SLIT2: variants seen among roughly 807,000 people sequenced by gnomAD.
SLIT2 encodes the protein slit homolog 2 protein.
Under a neutral mutation model 185.7 loss-of-function variants are expected in SLIT2, and 41 were observed. That is an observed-to-expected ratio of 0.22 (90% CI 0.17 to 0.29). SLIT2 has a LOEUF of 0.29. SLIT2 is among the 10% of genes least tolerant of loss of function. The probability of loss-of-function intolerance (pLI) is 1.00; values close to 1 mark genes in which losing one functional copy is unlikely to be tolerated. For missense variants in SLIT2, 1,571 were observed against 1,909.0 expected (o/e 0.82, Z 3.30); for synonymous variants, 693 against 680.2 (o/e 1.02, Z -0.29).
intron 4 of SLIT2, among the ~76,000 whole-genome samples, chr4:20,380,021 A>G (rs758327570): frequency 6.6e-6 from 1 of 152,162 alleles, no homozygotes; most frequent in Non-Finnish European, 1.5e-5. Context: ...TTACTGATCT[A>G]TGCTTGACTG....
intron 4 of SLIT2, among the ~76,000 whole-genome samples, chr4:20,365,793 A>T (rs1208264914): frequency 6.6e-6 from 1 of 152,066 alleles, no homozygotes; most frequent in Non-Finnish European, 1.5e-5. Flanking sequence ...GTTCATCTAC[A>T]TCTTGTGTGG....
chr4:20,363,887 G>A (rs1221981004), intron 4 of SLIT2, among the ~76,000 whole-genome samples: 5 of 152,096 alleles, frequency 3.3e-5, no homozygotes, highest in Admixed American at 6.6e-5. Flanking sequence ...TTCTGTCTTC[G>A]AAAGGATTGC....
intron 4 of SLIT2, among the ~76,000 whole-genome samples, chr4:20,422,043 A>C (rs1362285701): frequency 6.6e-6 from 1 of 152,152 alleles, no homozygotes; most frequent in Non-Finnish European, 1.5e-5. Flanking sequence ...AAGATTTCAG[A>C]GTTCATTTCT....
chr4:20,581,169 A>G lies in SLIT2; in HGVS notation c.3089-8475A>G, dbSNP rs138512276. ...ATCAAGGTGTTGATTCCTGCCAAGG[A>G]TTGTGAGGGAAATGTCTCTTCCAGG... On this transcript the variant is annotated intron_variant, in intron 29 of 36. Transcript: ENST00000504154. Among the ~76,000 whole-genome samples, 403 of 152,208 alleles carry G rather than the reference A, an allele frequency of 2.6e-3. 10 individuals carry two copies. In the South Asian group the frequency reaches 0.061, roughly 23 times the overall value.
chr4:20,331,515 T>G (rs1328574333), intron 4 of SLIT2, among the ~76,000 whole-genome samples: 2 of 148,682 alleles, frequency 1.3e-5, no homozygotes, highest in African/African-American at 5.2e-5. Context: ...TAATTATAGC[T>G]AACATTTCTT....
chr4:20,279,440 C>A (rs374373768), intron 4 of SLIT2, among the ~76,000 whole-genome samples: 6 of 152,162 alleles, frequency 3.9e-5, no homozygotes, highest in Admixed American at 3.3e-4. Flanking sequence ...TGGGCCTCAG[C>A]TCCTCTACTA....
At chr4:20,593,224 C>G (rs1347351934) in intron 30 of SLIT2, among the ~76,000 whole-genome samples, 1 of 152,014 alleles carries the variant, frequency 6.6e-6, no homozygotes, top group African/African-American at 2.4e-5. Flanking sequence ...AAAAACTATA[C>G]TAATTAATTT....
intron 3 of SLIT2, among the ~76,000 whole-genome samples, chr4:20,263,337 T>C (rs1159766507): frequency 6.6e-6 from 1 of 151,820 alleles, no homozygotes; most frequent in Non-Finnish European, 1.5e-5. Context: ...AATATTGCTT[T>C]ACGATAATAT....
intron 29 of SLIT2, among the ~76,000 whole-genome samples, chr4:20,572,257 C>T (rs191174258): frequency 1.0e-3 from 152 of 152,252 alleles, no homozygotes; most frequent in Non-Finnish European, 1.6e-3. Context: ...TCTGTGCTTC[C>T]AGTTGTGTAA....
intron 4 of SLIT2, among the ~76,000 whole-genome samples, chr4:20,303,517 A>G (rs1717252807): frequency 6.6e-6 from 1 of 152,120 alleles, no homozygotes; most frequent in African/African-American, 2.4e-5. Context: ...GAAATGAAAG[A>G]CAGATGCCTC....
chr4:20,388,063 T>C (rs1725073526), intron 4 of SLIT2, among the ~76,000 whole-genome samples: 1 of 152,090 alleles, frequency 6.6e-6, no homozygotes, highest in African/African-American at 2.4e-5. Flanking sequence ...TTCATGAAAC[T>C]AGGAAGTGAA....
rs982675760 is a variant in SLIT2 at position 20,254,355 on chromosome 4, C to T, written c.179+361C>T. The stretch of plus-strand genomic sequence containing the variant: ...GTTCTCCAGAGTCCATAAACGGAGT[C>T]ACCTTGCGATTGCCAGCATCCAGGT... On this transcript the variant is annotated intron_variant, in intron 1 of 36. Coordinates refer to ENST00000504154, the MANE Select transcript of SLIT2 (RefSeq NM_004787.4). This position sits in a 1 kb window ranked among gnomAD's most constrained non-coding sequence, Gnocchi z 5.1. Among the ~76,000 whole-genome samples, 53 of 152,330 alleles carry T rather than the reference C, an allele frequency of 3.5e-4. No individual in the cohort carries two copies. The highest frequency in any genetic ancestry group is 1.1e-3 in the African/African-American group (46 of 41,580).
At chr4:20,546,349 G>A (rs576713785) in intron 22 of SLIT2, among the ~76,000 whole-genome samples, 1 of 152,146 alleles carries the variant, frequency 6.6e-6, no homozygotes, top group Non-Finnish European at 1.5e-5. Context: ...TGAGTAGTCA[G>A]AGAATTATGA....
intron 18 of SLIT2, among the ~76,000 whole-genome samples, chr4:20,535,226 G>T (rs1722165887): frequency 6.6e-6 from 1 of 152,020 alleles, no homozygotes; most frequent in Admixed American, 6.5e-5. Context: ...TTGATCCCGG[G>T]AGGCGGAGAT....
intron 4 of SLIT2, among the ~76,000 whole-genome samples, chr4:20,302,737 G>C (rs1415228431): frequency 2.6e-5 from 4 of 152,136 alleles, no homozygotes; most frequent in Non-Finnish European, 4.4e-5. Flanking sequence ...AGGATGCATT[G>C]GAATGTTAAA....
chr4:20,437,253 C>A (rs1221750147), intron 4 of SLIT2, among the ~76,000 whole-genome samples: 1 of 152,118 alleles, frequency 6.6e-6, no homozygotes, highest in Non-Finnish European at 1.5e-5. Context: ...CTGGTGCCAT[C>A]TCCCAAGCTG....
chr4:20,266,505 G>A (rs2109024398), intron 3 of SLIT2, among the ~76,000 whole-genome samples: 1 of 152,072 alleles, frequency 6.6e-6, no homozygotes, highest in African/African-American at 2.4e-5. Flanking sequence ...AATATAAAAT[G>A]TAAATGCTAG....
intron 4 of SLIT2, among the ~76,000 whole-genome samples, chr4:20,300,088 T>TA (rs1716900067): frequency 6.6e-6 from 1 of 152,118 alleles, no homozygotes; most frequent in Admixed American, 6.6e-5. Flanking sequence ...TATGGTTAGA[T>TA]TAATAAACAT....
At chr4:20,286,249 A>G (rs1456050927) in intron 4 of SLIT2, among the ~76,000 whole-genome samples, 2 of 152,278 alleles carry the variant, frequency 1.3e-5, no homozygotes, top group East Asian at 1.9e-4. Context: ...TTAATTGTGC[A>G]TAGGTGCTTA....
Sources: gnomAD v4.1 joint callset for allele counts (sites outside exome capture counted in the v4.1 genomes callset) on GRCh38, gnomAD v4.1.1 for gene constraint, Gnocchi (gnomAD v3.1) non-coding constraint, MANE v1.5 for transcripts, NCBI Gene and HGNC (gene_info 2026-07-23, HGNC 2026-07-21) for gene names.